The following ARID1A variants were observed in gnomAD, a reference collection of about 807,000 sequenced individuals.
ARID1A encodes the protein AT-rich interactive domain-containing protein 1A.
ARID1A carries 20 observed loss-of-function variants against 212.6 expected under a neutral mutation model. The observed-to-expected ratio is 0.09, with a 90% CI of 0.07 to 0.14. The LOEUF is 0.14. ARID1A is among the 10% of genes least tolerant of loss of function. ARID1A has a pLI of 1.00. For synonymous variants in ARID1A, 1,376 were observed against 1,222.1 expected, an observed-to-expected ratio of 1.13 and a Z score of -2.63; for missense variants, 2,587 against 3,059.0, an observed-to-expected ratio of 0.85 and a Z score of 3.64.
chr1:26,722,091 T>A (rs1030757282), intron 1 of ARID1A, among the ~76,000 whole-genome samples: 1 of 152,168 alleles, frequency 6.6e-6, no homozygotes, highest in African/African-American at 2.4e-5. Flanking sequence ...TGACATCTGG[T>A]TGCAAGCGCC....
intron 1 of ARID1A, among the ~76,000 whole-genome samples, chr1:26,707,666 GC>G (rs2080406430): frequency 6.6e-6 from 1 of 152,042 alleles, no homozygotes; most frequent in Non-Finnish European, 1.5e-5. Flanking sequence ...TCAAATGATG[GC>G]CACCATGCAT....
intron 1 of ARID1A, among the ~76,000 whole-genome samples, chr1:26,723,790 C>G (rs2080588901): frequency 6.6e-6 from 1 of 152,124 alleles, no homozygotes; most frequent in African/African-American, 2.4e-5. Context: ...ACTGGCCCCC[C>G]TCTCCATTCC....
intron 4 of ARID1A, among the ~76,000 whole-genome samples, chr1:26,756,572 AAAAAAAC>A (rs1326395297): frequency 6.6e-6 from 1 of 151,570 alleles, no homozygotes; most frequent in Non-Finnish European, 1.5e-5. Context: ...TTTAAAAAAA[AAAAAAAC>A]AAAAAAACAC....
At chr1:26,772,434 G>A (rs940961371) in intron 12 of ARID1A, 66 bp from the exon 13 acceptor site, 4 of 1,606,914 alleles carry the variant, frequency 2.5e-6, no homozygotes, top group East Asian at 2.2e-5. Context: ...GGTCGTTCGT[G>A]TGTTTGTGTG....
intron 6 of ARID1A, 106 bp downstream of exon 6, chr1:26,761,579 C>T: frequency 9.3e-7 from 1 of 1,070,842 alleles, no homozygotes; most frequent in Non-Finnish European, 1.4e-6. Flanking sequence ...TAGGACAATC[C>T]CTGCAGCAAA....
intron 1 of ARID1A, among the ~76,000 whole-genome samples, chr1:26,722,698 A>G (rs181031678): frequency 1.2e-4 from 18 of 152,370 alleles, no homozygotes; most frequent in African/African-American, 4.1e-4. Context: ...ACTAGAATGA[A>G]GGAATTGTGA....
chr1:26,772,621 G>A lies in ARID1A; in HGVS notation c.3528G>A (p.Leu1176=), dbSNP rs761590466. ...CACCACACAGTCAGATCCCCCCATT[G>A]CCAGGCATGAGGTAAGGCCAAGAGC... The part of the protein sequence containing the change: ...ASTPHSQIPP[L]PGMSRSNSVG... The change falls in exon 13 of 20, where the codon TTG becomes TTA. Residue 1176 remains leucine (L), a synonymous_variant. Coordinates refer to ENST00000324856, the MANE Select transcript of ARID1A (RefSeq NM_006015.6). The A allele has an allele frequency of 1.9e-6, 3 of 1,614,200 alleles. No individual in the cohort carries two copies. The highest frequency in any genetic ancestry group is 1.6e-4 in the Middle Eastern group (1 of 6,062).
Position 26,774,562 on chromosome 1 carries a change from C to T in ARID1A, c.4335C>T (p.Arg1445=). The change falls in exon 18 of 20, where the codon CGC becomes CGT. Residue 1445 remains arginine, a synonymous_variant. Transcript: ENST00000324856. The surrounding 1 kb of genome is among the most constrained non-coding windows in gnomAD (Gnocchi z 5.6). ...YPATATAATE[R]RPAGGPQNQF... ...CCACTGCCACAGCTGCTACTGAGCG[C>T]CGACCAGCAGGCGGCCCCCAGAACC... 2 of 1,614,210 alleles carry T rather than the reference C, an allele frequency of 1.2e-6. No individual in the cohort carries two copies. The highest frequency in any genetic ancestry group is 1.7e-6 in the Non-Finnish European group (2 of 1,180,030).
intron 1 of ARID1A, among the ~76,000 whole-genome samples, chr1:26,724,224 A>G (rs997416351): frequency 1.1e-4 from 16 of 152,188 alleles, no homozygotes; most frequent in African/African-American, 3.1e-4. Context: ...AGCATTTAGG[A>G]TGATAAAATG....
At chr1:26,713,188 C>T (rs2080469545) in intron 1 of ARID1A, among the ~76,000 whole-genome samples, 1 of 152,058 alleles carries the variant, frequency 6.6e-6, no homozygotes, top group South Asian at 2.1e-4. Flanking sequence ...GCTTTATTTT[C>T]TCTGTTCTTG....
rs1049668895 is a variant in ARID1A, at chr1:26,778,870, A to G, written c.5125-153A>G. On this transcript the variant is annotated intron_variant, in intron 19 of 19. Transcript: ENST00000324856. ...TGTGTTGGGCATAGAAGAGATTAAG[A>G]TGAACAATTTGCTCTGTGGAGAACC... The G allele has an allele frequency of 4.3e-6, 3 of 693,544 alleles. No homozygotes were observed. The East Asian group carries it at 8.0e-5, about 18-fold the overall frequency. 43.0% of individuals were successfully genotyped at this position (693,544 alleles called of 1,614,324 possible).
intron 4 of ARID1A, among the ~76,000 whole-genome samples, chr1:26,739,930 C>A (rs1402120820): frequency 1.3e-5 from 2 of 150,344 alleles, no homozygotes; most frequent in Non-Finnish European, 3.0e-5. Flanking sequence ...TGTTCTGTTT[C>A]TTTTCTTCCT....
chr1:26,742,153 T>A lies in ARID1A; in HGVS notation c.1920+9361T>A, dbSNP rs138838172. Among the ~76,000 whole-genome samples the A allele has an allele frequency of 7.9e-5, 12 of 152,328 alleles. No homozygotes were observed. In the East Asian group the frequency reaches 2.3e-3, roughly 29 times the overall value. On this transcript the variant is annotated intron_variant, in intron 4 of 19. Transcript: ENST00000324856. ...TGGACAATCTGATCCTCTCTTCATT[T>A]TTAGGCAAAAAACTCAACTCTTTGC...
At position 26,762,894 on chromosome 1, in the gene ARID1A, G is replaced by T. The variant is rs2081005521; in HGVS notation, c.2420-79G>T. 2.3e-6 allele frequency: 3 copies of T among 1,319,306 alleles called. No individual in the cohort carries two copies. The South Asian group carries it at 4.5e-5, about 20-fold the overall frequency. The allele number at this position is 1,319,306 out of a possible 1,614,324, so 81.7% of individuals were successfully genotyped here. ...CCTAACCAAAATATTGAATGACATT[G>T]TTTGGTGTTCTAGAGTTGAGAGATA... On this transcript the variant is annotated intron_variant, in intron 7 of 19. Transcript: ENST00000324856.
intron 8 of ARID1A, chr1:26,764,332 G>C (rs1430520636): frequency 6.7e-6 from 1 of 148,556 alleles, no homozygotes; most frequent in Non-Finnish European, 1.5e-5. Context: ...TGCTTATTTT[G>C]ATGTGCAAAA....
chr1:26,731,407 T>C lies in ARID1A; in HGVS notation c.1606T>C (p.Ser536Pro), dbSNP rs777199232. Residue 536 changes from serine to proline, a missense_variant, in exon 3 of 20, where the codon TCC becomes CCC. Ser to Pro is a moderately conservative substitution (Grantham distance 74, BLOSUM62 -1). Coordinates refer to ENST00000324856, the MANE Select transcript of ARID1A (RefSeq NM_006015.6). ...TCAGCAGTCCCCGGCTCCATACCCC[T>C]CCCAGCAGTCGACGACACAGCAGCA... ...PHQQSPAPYP[S>P]QQSTTQQHPQ... 6 of 1,613,046 alleles carry C rather than the reference T, an allele frequency of 3.7e-6. No individual in the cohort carries two copies. The South Asian group carries it at 6.6e-5, about 18-fold the overall frequency.
At chr1:26,777,885 T>G (rs974195389) in intron 19 of ARID1A, among the ~76,000 whole-genome samples, 2 of 152,034 alleles carry the variant, frequency 1.3e-5, no homozygotes. Context: ...CTGGCCAATA[T>G]GGTGAAACTC....
At chr1:26,725,498 T>C (rs187750660) in intron 1 of ARID1A, among the ~76,000 whole-genome samples, 28 of 152,338 alleles carry the variant, frequency 1.8e-4, no homozygotes, top group Admixed American at 3.9e-4. Flanking sequence ...AATCTGATTG[T>C]TTGAACTGAA....
At position 26,773,648 on chromosome 1, in the gene ARID1A, C is replaced by G. The variant is rs1340915206; in HGVS notation, c.3935C>G (p.Ser1312Cys). The G allele has an allele frequency of 6.2e-7, 1 of 1,614,188 alleles. No homozygotes were observed. The highest frequency in any genetic ancestry group is 1.3e-5 in the African/African-American group (1 of 75,024). The change falls in exon 16 of 20, where the codon TCC becomes TGC. Residue 1312 changes from serine to cysteine, a missense_variant. Physicochemically the swap from Ser to Cys is moderately radical, Grantham distance 112. Around this residue, in one of 11 missense-constraint regions of ARID1A, gnomAD observed 890 missense variants for 1,098.2 expected, o/e 0.81. Transcript: ENST00000324856. Reference sequence around the variant, plus strand: ...GCCCCACAGCCGAATCTCATGCCTTCCAACCCAGACTCGGGGATGTATTCT... The same window carrying G: ...GCCCCACAGCCGAATCTCATGCCTTGCAACCCAGACTCGGGGATGTATTCT... ...TGAPQPNLMPSNPDSGMYSPS... is the reference protein window; with the variant it reads ...TGAPQPNLMPCNPDSGMYSPS...
Sources: gnomAD v4.1 joint callset for allele counts (sites outside exome capture counted in the v4.1 genomes callset) on GRCh38, gnomAD v4.1.1 for gene constraint, gnomAD v4.1.1 regional missense constraint, Gnocchi (gnomAD v3.1) non-coding constraint, MANE v1.5 for transcripts, NCBI Gene and HGNC (gene_info 2026-07-23, HGNC 2026-07-21) for gene names.